Variants in ZZEF1 observed in about 807,000 individuals in gnomAD.
The protein encoded by ZZEF1 is zinc finger ZZ-type and EF-hand domain containing 1, also known as zinc finger ZZ-type and EF-hand domain-containing protein 1.
Under a neutral mutation model 342.8 loss-of-function variants are expected in ZZEF1, and 157 were observed. The observed-to-expected ratio is 0.46, with a 90% CI of 0.40 to 0.52. The LOEUF is 0.52. ZZEF1 is among the 20% of genes least tolerant of loss of function. The pLI is 0.00. For synonymous variants in ZZEF1, 1,505 were observed against 1,429.1 expected, an observed-to-expected ratio of 1.05 and a Z score of -1.20; for missense variants, 3,480 against 3,725.6, an observed-to-expected ratio of 0.93 and a Z score of 1.72.
In ZZEF1 at chr17:4,058,046, G is replaced by A. The variant is rs762138341; in HGVS notation, c.5113C>T (p.Leu1705Phe). Residue 1705 changes from leucine to phenylalanine, a missense_variant, in exon 32 of 55, where the codon CTC (leucine) becomes TTC (phenylalanine). Transcript: ENST00000381638. ...AFFVDIQLPD[L>F]LMKMSQENIS... ...TTCTCCTGTGACATTTTCATGAGGA[G>A]ATCTGGTAACTGAATATCAACAAAG... is the stretch of plus-strand genomic sequence containing the variant. 1.9e-5 allele frequency: 31 copies of A among 1,614,072 alleles called. No individual in the cohort carries two copies. The highest frequency in any genetic ancestry group is 2.5e-5 in the Non-Finnish European group (30 of 1,180,028).
In ZZEF1 at chr17:4,105,682, C is replaced by G; in HGVS notation, c.1394+11G>C. 1 of 1,598,742 alleles carries G rather than the reference C, an allele frequency of 6.3e-7. No individual in the cohort carries two copies. The highest frequency in any genetic ancestry group is 8.6e-7 in the Non-Finnish European group (1 of 1,166,944). ...CCTCACAGAGTTTACCCTCATCAGC[C>G]TTGATTTTACCTAGTTATCCTTATG... On this transcript the variant is annotated intron_variant, in intron 7 of 54. Transcript: ENST00000381638.
intron 11 of ZZEF1, among the ~76,000 whole-genome samples, chr17:4,095,313 C>T (rs544984963): frequency 2.8e-4 from 42 of 152,328 alleles, no homozygotes; most frequent in Admixed American, 2.0e-3. Context: ...GTCCCCACAG[C>T]GCCCTTTCTC....
intron 11 of ZZEF1, among the ~76,000 whole-genome samples, chr17:4,095,130 C>A (rs902340544): frequency 6.6e-6 from 1 of 152,182 alleles, no homozygotes; most frequent in Non-Finnish European, 1.5e-5. Context: ...CAATGCGGGA[C>A]CTGCCCGTTC....
chr17:4,006,932 GT>G lies in ZZEF1; in HGVS notation c.8843del (p.Asn2948ThrfsTer53). 6.3e-7 allele frequency: 1 copy of G among 1,576,676 alleles called. No homozygotes were observed. Among genetic ancestry groups the G allele is most frequent in the Non-Finnish European group, 8.6e-7 (1 of 1,159,518 alleles). ...AGAGGCGGGTGGCCTTGTTTGGGTA[GT>G]TGATGGCCAGGCTGATGGCAGCAAT... ...QNIAAISLAINYPNKATRLWN... is the reference protein window; with the variant it reads ...QNIAAISLAIXYPNKATRLWN... On this transcript the variant is annotated frameshift_variant, in exon 55 of 55. Transcript: ENST00000381638. LOFTEE classifies it high-confidence loss of function.
At chr17:4,093,350 A>C (rs2727066) in intron 11 of ZZEF1, among the ~76,000 whole-genome samples, 1 of 152,138 alleles carries the variant, frequency 6.6e-6, no homozygotes, top group Non-Finnish European at 1.5e-5. Flanking sequence ...AAATTCATTA[A>C]AGGGCTGAAA....
intron 9 of ZZEF1, among the ~76,000 whole-genome samples, chr17:4,101,605 A>G (rs1011511873): frequency 2.0e-5 from 3 of 152,100 alleles, no homozygotes; most frequent in East Asian, 1.9e-4. Context: ...TACATCAGCT[A>G]TATCTGGAAA....
At chr17:4,084,449 T>A (rs980638129) in intron 16 of ZZEF1, among the ~76,000 whole-genome samples, 8 of 152,212 alleles carry the variant, frequency 5.3e-5, no homozygotes, top group African/African-American at 1.9e-4. Flanking sequence ...ACTATGTTCA[T>A]AAGTAAGAGT....
At chr17:4,007,003 G>A (rs1331593116) in intron 54 of ZZEF1, 33 bp from the exon 55 acceptor site, 8 of 1,543,984 alleles carry the variant, frequency 5.2e-6, no homozygotes, top group South Asian at 4.8e-5. Context: ...CGCCAATGTC[G>A]GGAGCCACTC....
intron 1 of ZZEF1, among the ~76,000 whole-genome samples, chr17:4,134,766 T>C (rs1230508920): frequency 4.6e-5 from 7 of 152,004 alleles, no homozygotes; most frequent in Admixed American, 4.6e-4. Context: ...CACTATACCA[T>C]GGGCCAACAG....
At position 4,076,908 on chromosome 17, in the gene ZZEF1, C is replaced by A. The variant is rs1459450545; in HGVS notation, c.3071G>T (p.Arg1024Ile). Residue 1024 changes from arginine (R) to isoleucine (I), a missense_variant, in exon 20 of 55, where the codon AGA (arginine) becomes ATA (isoleucine). This residue lies in a region of ZZEF1 where 1,528 missense variants were observed against 1,624.1 expected (regional missense o/e 0.94). Coordinates refer to ENST00000381638, the MANE Select transcript of ZZEF1 (RefSeq NM_015113.4). ...SQYSGKTIVE[R>I]LCNSVFSMAA... Reference sequence around the variant, plus strand: ...CATTGAAAACACTGAGTTACATAATCTTTCTACTATGGTTTTTCCACTGTA... The same window carrying A: ...CATTGAAAACACTGAGTTACATAATATTTCTACTATGGTTTTTCCACTGTA... The A allele has an allele frequency of 6.2e-7, 1 of 1,614,092 alleles. No homozygotes were observed. Among genetic ancestry groups the A allele is most frequent in the Non-Finnish European group, 8.5e-7 (1 of 1,180,046 alleles).
At chr17:4,066,641 G>A in intron 27 of ZZEF1, 101 bp from the exon 28 acceptor site, 1 of 940,082 alleles carries the variant, frequency 1.1e-6, no homozygotes, top group East Asian at 2.4e-5. Context: ...ACACCACAGA[G>A]TACTTCACAG....
Position 4,019,569 on chromosome 17 carries a change from C to G in ZZEF1, c.7505+100G>C, listed in dbSNP as rs960467466. The G allele has an allele frequency of 9.7e-5, 103 of 1,061,692 alleles. 2 individuals carry two copies. In the Middle Eastern group the frequency reaches 3.3e-3, roughly 34 times the overall value. The allele number at this position is 1,061,692 out of a possible 1,614,324, so 65.8% of individuals were successfully genotyped here. ...GCAACTGCTTCCCGGCCTGTCGGAG[C>G]GTCGATCGATCCAGAAGCTGCTGCC... On this transcript the variant is annotated intron_variant, in intron 46 of 54. Coordinates refer to ENST00000381638, the MANE Select transcript of ZZEF1 (RefSeq NM_015113.4).
Position 4,142,928 on chromosome 17 carries a change from CCG to C in ZZEF1, c.-35_-34del. On this transcript the variant is annotated 5_prime_UTR_variant, in exon 1 of 55. Coordinates refer to ENST00000381638, the MANE Select transcript of ZZEF1 (RefSeq NM_015113.4). ...CCGTCTTGGGCGCCTGGCTCTGCAGCCGCCGCCGCCGCCTCCCCGCCTCGACC... is the reference window on the plus strand; with the variant it reads ...CCGTCTTGGGCGCCTGGCTCTGCAGCCCGCCGCCGCCTCCCCGCCTCGACC... 2.3e-6 allele frequency: 3 copies of C among 1,290,434 alleles called. No homozygotes were observed. Among genetic ancestry groups the C allele is most frequent in the Non-Finnish European group, 2.9e-6 (3 of 1,021,604 alleles). The allele number at this position is 1,290,434 out of a possible 1,614,324, so 79.9% of individuals were successfully genotyped here. A position where few individuals can be genotyped will look rare whatever the true frequency, so the allele number is the denominator to read the frequency against.
intron 42 of ZZEF1, among the ~76,000 whole-genome samples, chr17:4,027,614 TA>T (rs397794198): frequency 6.8e-6 from 1 of 147,558 alleles, no homozygotes; most frequent in African/African-American, 2.5e-5. Context: ...TTTTTTTTTT[TA>T]AAGAGACAGG....
intron 1 of ZZEF1, among the ~76,000 whole-genome samples, chr17:4,137,422 A>G (rs1356027549): frequency 3.3e-5 from 5 of 152,262 alleles, no homozygotes; most frequent in South Asian, 2.1e-4. Context: ...CATCCTGGCT[A>G]ACACGGTGAA....
rs777232437 is a variant in ZZEF1 at position 4,009,658 on chromosome 17, AAGG to A, written c.8676_8678del (p.Leu2893del). 1.2e-6 allele frequency: 2 copies of A among 1,613,958 alleles called. No homozygotes were observed. The highest frequency in any genetic ancestry group is 1.7e-6 in the Non-Finnish European group (2 of 1,179,998). On this transcript the variant is annotated inframe_deletion, in exon 53 of 55. Transcript: ENST00000381638. ...GCTCAGTGAGGGCACGATGCAGGGG[AAGG>A]AGGATGCCGGGCTGCGTCACGTCCT...
At chr17:4,117,717 C>G (rs543579843) in intron 2 of ZZEF1, among the ~76,000 whole-genome samples, 1 of 144,688 alleles carries the variant, frequency 6.9e-6, no homozygotes, top group Non-Finnish European at 1.5e-5. Flanking sequence ...CTTAGAATAA[C>G]GATTTTTTGT....
At chr17:4,059,353 AATG>A in intron 30 of ZZEF1, 63 bp from the exon 31 acceptor site, 1 of 1,558,870 alleles carries the variant, frequency 6.4e-7, no homozygotes, top group Admixed American at 2.3e-5. Context: ...TAATAATAAT[AATG>A]ATTTCTTACA....
intron 34 of ZZEF1, among the ~76,000 whole-genome samples, chr17:4,053,597 C>A (rs1014070563): frequency 6.6e-6 from 1 of 152,232 alleles, no homozygotes; most frequent in Non-Finnish European, 1.5e-5. Context: ...GGTTCCAGGG[C>A]AAGGGCTGTC....
Sources: allele counts gnomAD v4.1 joint callset (sites outside exome capture counted in the v4.1 genomes callset), GRCh38; gene constraint gnomAD v4.1.1; regional missense constraint gnomAD v4.1.1; transcripts MANE v1.5; gene names NCBI Gene and HGNC (gene_info 2026-07-23, HGNC 2026-07-21).